The following EXOC6B variants were observed in gnomAD, a reference collection of about 807,000 sequenced individuals.
The protein encoded by EXOC6B is SEC15 homolog B.
In EXOC6B, 54 loss-of-function variants were observed where a neutral mutation model predicts 113.5. The observed-to-expected ratio is 0.48, with a 90% CI of 0.38 to 0.60. EXOC6B has a LOEUF of 0.60. Among genes scored for constraint, EXOC6B ranks in the 20% least tolerant of loss-of-function variants. The pLI is 0.00. For synonymous variants in EXOC6B, 357 were observed against 339.0 expected (o/e 1.05, Z -0.58); for missense variants, 797 against 977.5 (o/e 0.82, Z 2.46).
At position 72,610,753 on chromosome 2, in the gene EXOC6B, T is replaced by C. The variant is rs553857137; in HGVS notation, c.670-35085A>G. 2.2e-4 allele frequency among the ~76,000 whole-genome samples: 33 copies of C among 152,026 alleles called. 1 individual carries two copies. Among genetic ancestry groups the C allele is most frequent in the Admixed American group, 1.2e-3 (18 of 15,268 alleles). ...TAGATACCACAGCCAAGAGGTGAAA[T>C]TTAATACCCTCCACCACCATGCCCC... is the stretch of plus-strand genomic sequence containing the variant. On this transcript the variant is annotated intron_variant, in intron 6 of 21. Coordinates refer to ENST00000272427, the MANE Select transcript of EXOC6B (RefSeq NM_015189.3).
chr2:72,231,356 T>G (rs190014372), intron 20 of EXOC6B, among the ~76,000 whole-genome samples: 1 of 152,298 alleles, frequency 6.6e-6, no homozygotes, highest in Non-Finnish European at 1.5e-5. Context: ...ATTTGTAATC[T>G]AAATATTTTA....
At chr2:72,291,778 A>G (rs1685809237) in intron 20 of EXOC6B, among the ~76,000 whole-genome samples, 1 of 152,208 alleles carries the variant, frequency 6.6e-6, no homozygotes, top group Non-Finnish European at 1.5e-5. Flanking sequence ...CTACAAGAAT[A>G]CTATTGTCCT....
chr2:72,407,450 G>A (rs1573051492), intron 18 of EXOC6B, among the ~76,000 whole-genome samples: 3 of 152,092 alleles, frequency 2.0e-5, no homozygotes, highest in South Asian at 2.1e-4. Flanking sequence ...GATGAACATC[G>A]ATGCAAAAAT....
intron 20 of EXOC6B, among the ~76,000 whole-genome samples, chr2:72,330,910 G>C (rs1376099617): frequency 6.6e-6 from 1 of 152,028 alleles, no homozygotes; most frequent in Non-Finnish European, 1.5e-5. Context: ...TTGTAGATGA[G>C]AGATCACAGA....
intron 19 of EXOC6B, among the ~76,000 whole-genome samples, chr2:72,360,347 C>A (rs1015536855): frequency 1.3e-5 from 2 of 152,182 alleles, no homozygotes; most frequent in Non-Finnish European, 2.9e-5. Flanking sequence ...CTCAGCCTCC[C>A]AAAGTGCTAA....
At chr2:72,697,465 C>T (rs991628520) in intron 6 of EXOC6B, among the ~76,000 whole-genome samples, 1 of 151,964 alleles carries the variant, frequency 6.6e-6, no homozygotes, top group African/African-American at 2.4e-5. Flanking sequence ...GTAGGCAGAT[C>T]GCTTGAACTC....
chr2:72,536,644 C>T (rs1290521756), intron 8 of EXOC6B, among the ~76,000 whole-genome samples: 2 of 152,068 alleles, frequency 1.3e-5, no homozygotes, highest in Admixed American at 6.6e-5. Context: ...AAAATAAGTA[C>T]CAAAATAACT....
intron 7 of EXOC6B, among the ~76,000 whole-genome samples, chr2:72,571,340 T>C (rs1704498561): frequency 6.6e-6 from 1 of 152,070 alleles, no homozygotes; most frequent in Non-Finnish European, 1.5e-5. Flanking sequence ...ACTTGAAAGC[T>C]CAGGAGTTTG....
chr2:72,179,016 C>A lies in EXOC6B; in HGVS notation c.*319G>T. 4.1e-6 allele frequency: 1 copy of A among 245,484 alleles called. No homozygotes were observed. The highest frequency in any genetic ancestry group is 1.1e-4 in the South Asian group (1 of 8,852). 15.2% of individuals were successfully genotyped at this position (245,484 alleles called of 1,614,324 possible). On this transcript the variant is annotated 3_prime_UTR_variant, in exon 22 of 22. Coordinates refer to ENST00000272427, the MANE Select transcript of EXOC6B (RefSeq NM_015189.3). ...ATACCCACTTTTTATGGTTCCTAAG[C>A]CCCAGACCTAAGCTTTAGAGCCATG...
chr2:72,501,372 T>C (rs1402072600), intron 11 of EXOC6B, among the ~76,000 whole-genome samples: 2 of 152,130 alleles, frequency 1.3e-5, no homozygotes, highest in Non-Finnish European at 2.9e-5. Flanking sequence ...TAACTCCCCT[T>C]TGCCTTTTAC....
chr2:72,791,004 A>G (rs779132495), intron 1 of EXOC6B, among the ~76,000 whole-genome samples: 3 of 152,154 alleles, frequency 2.0e-5, no homozygotes, highest in Non-Finnish European at 2.9e-5. Flanking sequence ...GCTAGATAGG[A>G]GCAATAAAGT....
intron 18 of EXOC6B, among the ~76,000 whole-genome samples, chr2:72,419,475 T>C (rs1173046211): frequency 6.6e-6 from 1 of 152,238 alleles, no homozygotes; most frequent in Non-Finnish European, 1.5e-5. Context: ...TAAGATTTCT[T>C]GCAGGAAAAA....
chr2:72,685,061 G>A (rs1394710159), intron 6 of EXOC6B, among the ~76,000 whole-genome samples: 1 of 152,036 alleles, frequency 6.6e-6, no homozygotes, highest in African/African-American at 2.4e-5. Flanking sequence ...AGTGTACCTA[G>A]GTCTCAAACT....
intron 13 of EXOC6B, among the ~76,000 whole-genome samples, chr2:72,496,948 C>CATTATT (rs57708306): frequency 0.033 from 4,564 of 137,766 alleles, 118 homozygotes; most frequent in East Asian, 0.067. Context: ...TATAAATGTA[C>CATTATT]ATTATTATTA....
chr2:72,187,684 C>T (rs868042432), intron 20 of EXOC6B, among the ~76,000 whole-genome samples: 1 of 152,100 alleles, frequency 6.6e-6, no homozygotes, highest in Non-Finnish European at 1.5e-5. Flanking sequence ...GAGCCCAGGG[C>T]TTTTATGGGC....
At chr2:72,814,857 G>A (rs1273924520) in intron 1 of EXOC6B, among the ~76,000 whole-genome samples, 2 of 152,168 alleles carry the variant, frequency 1.3e-5, no homozygotes, top group African/African-American at 2.4e-5. Context: ...CAGGCGTGGT[G>A]GCAGGCGCCT....
At chr2:72,444,703 C>T (rs965762686) in intron 18 of EXOC6B, among the ~76,000 whole-genome samples, 2 of 152,224 alleles carry the variant, frequency 1.3e-5, no homozygotes, top group African/African-American at 4.8e-5. Context: ...AAAGCCAGGG[C>T]CTGAGCTGTA....
chr2:72,309,579 C>A (rs1379187447), intron 20 of EXOC6B, among the ~76,000 whole-genome samples: 2 of 152,154 alleles, frequency 1.3e-5, no homozygotes, highest in Non-Finnish European at 2.9e-5. Flanking sequence ...TTCTCAAATT[C>A]TTTCACTCAC....
At chr2:72,534,184 CTA>C (rs759351632) in intron 8 of EXOC6B, among the ~76,000 whole-genome samples, 133 of 152,056 alleles carry the variant, frequency 8.7e-4, no homozygotes, top group South Asian at 1.9e-3. Flanking sequence ...ACGGCTATAA[CTA>C]TGTAGGGTCA....
Sources: allele counts gnomAD v4.1 joint callset (sites outside exome capture counted in the v4.1 genomes callset), GRCh38; gene constraint gnomAD v4.1.1; transcripts MANE v1.5; gene names NCBI Gene and HGNC (gene_info 2026-07-23, HGNC 2026-07-21).